FAM184A: variants seen among roughly 807,000 people sequenced by gnomAD.
FAM184A encodes protein FAM184A.
Under a neutral mutation model 143.8 loss-of-function variants are expected in FAM184A, and 99 were observed. The observed-to-expected ratio is 0.69, with a 90% CI of 0.58 to 0.81. The LOEUF (loss-of-function observed/expected upper bound fraction) is 0.81. Ranked by LOEUF, FAM184A falls within the 40% of genes least tolerant of loss-of-function variation. The probability of loss-of-function intolerance (pLI) is 0.00; values close to 1 mark genes in which losing one functional copy is unlikely to be tolerated. For missense variants in FAM184A, 1,217 were observed against 1,310.5 expected, an observed-to-expected ratio of 0.93 and a Z score of 1.10; for synonymous variants, 427 against 446.4, an observed-to-expected ratio of 0.96 and a Z score of 0.55.
At chr6:118,995,287 C>T (rs1269578042) in intron 9 of FAM184A, among the ~76,000 whole-genome samples, 2 of 151,940 alleles carry the variant, frequency 1.3e-5, no homozygotes, top group African/African-American at 4.8e-5. Flanking sequence ...TGTGGTGATA[C>T]CTGCCTGTAG....
intron 1 of FAM184A, among the ~76,000 whole-genome samples, chr6:119,134,282 C>T (rs1582644900): frequency 6.6e-6 from 1 of 152,072 alleles, no homozygotes; most frequent in Non-Finnish European, 1.5e-5. Context: ...AAAATGTCAA[C>T]CTCATTGGTT....
Position 118,974,372 on chromosome 6 carries a change from A to G in FAM184A, c.2915+56T>C. 4 of 1,502,600 alleles carry G rather than the reference A, an allele frequency of 2.7e-6. No individual in the cohort carries two copies. The South Asian group carries it at 5.1e-5, about 19-fold the overall frequency. The allele number at this position is 1,502,600 out of a possible 1,614,324, so 93.1% of individuals were successfully genotyped here. On this transcript the variant is annotated intron_variant, in intron 14 of 17. Coordinates refer to ENST00000338891, the MANE Select transcript of FAM184A (RefSeq NM_024581.6). ...AATAACAGCTAATCTGAGGTTAAAC[A>G]CAGTGCTCCTAAATTTATTATCCAC... is the stretch of plus-strand genomic sequence containing the variant.
At chr6:119,134,359 G>A (rs1278718117) in intron 1 of FAM184A, among the ~76,000 whole-genome samples, 2 of 152,072 alleles carry the variant, frequency 1.3e-5, no homozygotes, top group Non-Finnish European at 2.9e-5. Context: ...TTCTCCTAAA[G>A]ATATTATTGC....
chr6:118,961,827 A>G lies in FAM184A; in HGVS notation c.3275T>C (p.Ile1092Thr), dbSNP rs775748737. 20 of 1,613,796 alleles carry G rather than the reference A, an allele frequency of 1.2e-5. No homozygotes were observed. Among genetic ancestry groups the G allele is most frequent in the Non-Finnish European group, 1.6e-5 (19 of 1,179,892 alleles). Residue 1092 changes from isoleucine (I) to threonine (T), a missense_variant, in exon 17 of 18, where the codon ATT (isoleucine) becomes ACT (threonine). Ile to Thr is a moderately conservative substitution (Grantham distance 89). Coordinates refer to ENST00000338891, the MANE Select transcript of FAM184A (RefSeq NM_024581.6). ...DPIPNSPVHD[I>T]EFNSSKPLPQ... ...AAGTGGTTTGCTGCTGTTGAACTCAATATCGTGGACTGGAGAATTAGGAAT... is the reference window on the plus strand; with the variant it reads ...AAGTGGTTTGCTGCTGTTGAACTCAGTATCGTGGACTGGAGAATTAGGAAT...
chr6:119,089,792 G>T (rs9320675), intron 1 of FAM184A, among the ~76,000 whole-genome samples: 1 of 151,882 alleles, frequency 6.6e-6, no homozygotes, highest in Non-Finnish European at 1.5e-5. Flanking sequence ...GGTAAACATC[G>T]TTATAAAAGA....
chr6:119,075,009 T>G (rs567082311), intron 1 of FAM184A, among the ~76,000 whole-genome samples: 1 of 152,220 alleles, frequency 6.6e-6, no homozygotes, highest in Non-Finnish European at 1.5e-5. Flanking sequence ...TGAACAAATA[T>G]GCATACAGCA....
chr6:119,056,912 A>G (rs1195570201), intron 1 of FAM184A, among the ~76,000 whole-genome samples: 1 of 152,192 alleles, frequency 6.6e-6, no homozygotes, highest in Non-Finnish European at 1.5e-5. Context: ...CCGTTTCTCA[A>G]ACAAGCTAAC....
At chr6:119,026,874 G>A (rs1422520774) in intron 1 of FAM184A, among the ~76,000 whole-genome samples, 1 of 152,088 alleles carries the variant, frequency 6.6e-6, no homozygotes, top group East Asian at 1.9e-4. Flanking sequence ...GCTGCCTCCT[G>A]TAAAGTAAAT....
At chr6:119,058,107 C>G (rs1345521615) in intron 1 of FAM184A, 1 of 151,602 alleles carries the variant, frequency 6.6e-6, no homozygotes, top group Non-Finnish European at 1.5e-5. Flanking sequence ...ATTTCCCATC[C>G]CACATGCTCT....
intron 1 of FAM184A, among the ~76,000 whole-genome samples, chr6:119,120,827 C>T (rs12191122): frequency 0.053 from 6,010 of 112,970 alleles, 186 homozygotes; most frequent in Non-Finnish European, 0.08. Flanking sequence ...TTTCTTTCTT[C>T]CTTTCTTTCT....
chr6:118,984,683 T>C (rs1224975406), intron 9 of FAM184A, among the ~76,000 whole-genome samples: 2 of 152,212 alleles, frequency 1.3e-5, no homozygotes, highest in South Asian at 2.1e-4. Context: ...TCAAAAACCA[T>C]TGAGCCTTGT....
At chr6:119,016,623 T>C in intron 5 of FAM184A, 124 bp downstream of exon 5, 1 of 751,314 alleles carries the variant, frequency 1.3e-6, no homozygotes, top group South Asian at 1.7e-5. Context: ...GCTGTAACAC[T>C]CACCGCGGGG....
chr6:118,972,864 C>T lies in FAM184A; in HGVS notation c.2915+1564G>A, dbSNP rs114918173. 3.6e-3 allele frequency among the ~76,000 whole-genome samples: 542 copies of T among 152,080 alleles called. 4 individuals are homozygous for T. Among genetic ancestry groups the T allele is most frequent in the African/African-American group, 0.012 (508 of 41,444 alleles). On this transcript the variant is annotated intron_variant, in intron 14 of 17. Coordinates refer to ENST00000338891, the MANE Select transcript of FAM184A (RefSeq NM_024581.6). ...CCACTGAGGCCAGGAAAAAGGACAG[C>T]CAAGGAATTGAGGTCTATTGTAAAT...
At chr6:119,026,232 C>G (rs1229138749) in intron 1 of FAM184A, among the ~76,000 whole-genome samples, 1 of 152,112 alleles carries the variant, frequency 6.6e-6, no homozygotes, top group Non-Finnish European at 1.5e-5. Flanking sequence ...AAAATGTGAA[C>G]AGAAGTACTT....
intron 1 of FAM184A, among the ~76,000 whole-genome samples, chr6:119,046,383 C>A (rs1786535170): frequency 6.6e-6 from 1 of 151,946 alleles, no homozygotes; most frequent in Non-Finnish European, 1.5e-5. Context: ...CGCAACCACA[C>A]CCAGCTAAGG....
chr6:118,980,613 A>C (rs565761425), intron 9 of FAM184A, among the ~76,000 whole-genome samples: 17 of 152,240 alleles, frequency 1.1e-4, no homozygotes, highest in Non-Finnish European at 2.2e-4. Flanking sequence ...CCACATTTAG[A>C]ATACAATGAA....
At chr6:118,961,436 C>A (rs943829867) in intron 17 of FAM184A, among the ~76,000 whole-genome samples, 1 of 150,998 alleles carries the variant, frequency 6.6e-6, no homozygotes, top group Middle Eastern at 3.4e-3. Flanking sequence ...TAAAGTTCTA[C>A]AATAAGGATG....
chr6:119,020,208 T>C (rs768499981), intron 3 of FAM184A, 49 bp from the exon 4 acceptor site: 35 of 1,400,308 alleles, frequency 2.5e-5, no homozygotes, highest in Non-Finnish European at 7.6e-6. Context: ...AGTTGTACTA[T>C]GAGATAAACA....
chr6:119,116,698 A>G (rs1789072457), intron 1 of FAM184A, among the ~76,000 whole-genome samples: 1 of 152,238 alleles, frequency 6.6e-6, no homozygotes, highest in African/African-American at 2.4e-5. Context: ...GGAAGACTTC[A>G]TAAAACTGGC....
Sources: allele counts gnomAD v4.1 joint callset (sites outside exome capture counted in the v4.1 genomes callset), GRCh38; gene constraint gnomAD v4.1.1; transcripts MANE v1.5; gene names NCBI Gene and HGNC (gene_info 2026-07-23, HGNC 2026-07-21).